GOLGB1: variants seen among roughly 807,000 people sequenced by gnomAD.
The protein encoded by GOLGB1 is golgin B1, also known as golgin subfamily B member 1.
A neutral mutation model predicts 336.9 loss-of-function variants in GOLGB1; 174 were observed. That is an observed-to-expected ratio of 0.52 (90% confidence interval 0.46 to 0.59). The LOEUF is 0.59. Ranked by LOEUF, GOLGB1 falls within the 20% of genes least tolerant of loss-of-function variation. The pLI is 0.00. For missense variants in GOLGB1, 3,331 were observed against 3,645.3 expected (o/e 0.91, Z 2.22); for synonymous variants, 1,208 against 1,289.2 (o/e 0.94, Z 1.35).
intron 11 of GOLGB1, 64 bp from the exon 12 acceptor site, chr3:121,699,949 C>A: frequency 1.1e-6 from 1 of 893,350 alleles, no homozygotes; most frequent in Non-Finnish European, 1.8e-6. Context: ...AACAGGATTG[C>A]ATGTGAAGCT....
intron 17 of GOLGB1, among the ~76,000 whole-genome samples, chr3:121,671,661 C>G (rs886315427): frequency 7.9e-5 from 12 of 152,166 alleles, no homozygotes; most frequent in Non-Finnish European, 1.0e-4. Context: ...AAATTCTTCT[C>G]TTCTAGCTAT....
intron 15 of GOLGB1, among the ~76,000 whole-genome samples, chr3:121,679,933 G>A (rs1309397566): frequency 6.6e-6 from 1 of 152,186 alleles, no homozygotes; most frequent in African/African-American, 2.4e-5. Context: ...TGGGGATTCT[G>A]GACTTTGAGT....
At chr3:121,749,922 G>C (rs756370580), upstream of GOLGB1, among the ~76,000 whole-genome samples, 6 of 152,234 alleles carry the variant, frequency 3.9e-5, no homozygotes, top group Non-Finnish European at 8.8e-5. Context: ...GGACCCTAAA[G>C]AGTGAATGAG....
Position 121,692,275 on chromosome 3 carries a change from T to C in GOLGB1, c.7089A>G (p.Gln2363=). Reference sequence around the variant, plus strand: ...TGGAGGCCTGAAGATCAGTCTCCAGTTGTTCATAACTGAACTTAGAATTTT... The same window carrying C: ...TGGAGGCCTGAAGATCAGTCTCCAGCTGTTCATAACTGAACTTAGAATTTT... ...DIQNSKFSYE[Q]LETDLQASRE... Residue 2363 remains glutamine (Q), a synonymous_variant, in exon 14 of 22, where the codon CAA becomes CAG. Transcript: ENST00000614479. 2.5e-6 allele frequency: 4 copies of C among 1,610,610 alleles called. No homozygotes were observed. Among genetic ancestry groups the C allele is most frequent in the African/African-American group, 1.3e-5 (1 of 74,666 alleles).
chr3:121,744,441 CAAAAAAAAAAAA>C (rs11290154), intron 1 of GOLGB1, among the ~76,000 whole-genome samples: 2 of 73,096 alleles, frequency 2.7e-5, no homozygotes, highest in South Asian at 8.8e-4. Flanking sequence ...ACTGTCTCTA[CAAAAAAAAAAAA>C]AAAAAAAAAA....
At chr3:121,677,536 T>G in intron 15 of GOLGB1, 86 bp from the exon 16 acceptor site, 1 of 862,934 alleles carries the variant, frequency 1.2e-6, no homozygotes, top group Non-Finnish European at 1.9e-6. Flanking sequence ...GCACTTTGCT[T>G]ATCTTCAAAG....
At position 121,690,654 on chromosome 3, in the gene GOLGB1, A is replaced by C. The variant is rs115007023; in HGVS notation, c.8694+16T>G. On this transcript the variant is annotated intron_variant, in intron 14 of 21. Coordinates refer to ENST00000614479, the MANE Select transcript of GOLGB1 (RefSeq NM_001366282.2). ...AAACTCTTAAACAGATCAGAAAGAA[A>C]GAACTAGCTACTCACTAGTCTGTCT... 1.4e-3 allele frequency: 1,835 copies of C among 1,300,462 alleles called. 23 individuals are homozygous for C. The African/African-American group carries it at 0.024, about 17-fold the overall frequency. The allele number at this position is 1,300,462 out of a possible 1,614,324, so 80.6% of individuals were successfully genotyped here. A position where few individuals can be genotyped will look rare whatever the true frequency, so the allele number is the denominator to read the frequency against.
In GOLGB1 at chr3:121,695,611, G is replaced by A. The variant is rs1003965972; in HGVS notation, c.4912C>T (p.Gln1638Ter). The change falls in exon 13 of 22, where the codon CAG (glutamine) becomes TAG (stop). Residue 1638 changes from glutamine (Q) to a stop codon, truncating the protein, a stop_gained. Transcript: ENST00000614479. LOFTEE classifies it high-confidence loss of function. Reference sequence around the variant, plus strand: ...TGCCTCACAGCTTCCACCACATGCTGAATCCTTTCTGCTTCATTACTAACA... The same window carrying A: ...TGCCTCACAGCTTCCACCACATGCTAAATCCTTTCTGCTTCATTACTAACA... ...ENVSNEAERI[Q>*]HVVEAVRQEK... is the part of the protein sequence containing the mutation. 6.2e-7 allele frequency: 1 copy of A among 1,613,886 alleles called. No homozygotes were observed. Among genetic ancestry groups the A allele is most frequent in the East Asian group, 2.2e-5 (1 of 44,870 alleles).
chr3:121,695,784 G>T lies in GOLGB1; in HGVS notation c.4739C>A (p.Ala1580Asp). The T allele has an allele frequency of 6.2e-7, 1 of 1,613,274 alleles. No individual in the cohort carries two copies. The highest frequency in any genetic ancestry group is 8.5e-7 in the Non-Finnish European group (1 of 1,179,922). Reference sequence around the variant, plus strand: ...CTTGTCTTCAGTAAGACCCTCTAGAGCTAGTTTTAGACTTTCACAGGAGCT... The same window carrying T: ...CTTGTCTTCAGTAAGACCCTCTAGATCTAGTTTTAGACTTTCACAGGAGCT... ...LSSSCESLKL[A>D]LEGLTEDKEK... Residue 1580 changes from alanine to aspartate, a missense_variant, in exon 13 of 22, where the codon GCT (alanine) becomes GAT (aspartate). By Grantham distance (126) the Ala-to-Asp change is moderately radical. Transcript: ENST00000614479.
At chr3:121,718,038 T>C (rs947005672) in intron 8 of GOLGB1, among the ~76,000 whole-genome samples, 1 of 152,188 alleles carries the variant, frequency 6.6e-6, no homozygotes, top group African/African-American at 2.4e-5. Flanking sequence ...TGTGGTGTCA[T>C]GTTGGTGCTC....
intron 10 of GOLGB1, among the ~76,000 whole-genome samples, chr3:121,710,253 A>C (rs1401061446): frequency 6.6e-6 from 1 of 152,132 alleles, no homozygotes; most frequent in Admixed American, 6.5e-5. Flanking sequence ...CAAAAACCGA[A>C]ATAATACCAA....
At chr3:121,730,832 A>G in intron 2 of GOLGB1, 44 bp downstream of exon 2, 1 of 1,564,782 alleles carries the variant, frequency 6.4e-7, no homozygotes, top group Non-Finnish European at 8.6e-7. Context: ...AGAAGAACAC[A>G]GAACATATGT....
At chr3:121,665,622 T>G (rs1201523301) in intron 20 of GOLGB1, among the ~76,000 whole-genome samples, 2 of 152,230 alleles carry the variant, frequency 1.3e-5, no homozygotes, top group Non-Finnish European at 2.9e-5. Context: ...CTGATTTGCT[T>G]ATTTAATACT....
In GOLGB1 at chr3:121,681,734, CTCT is replaced by C; in HGVS notation, c.8823_8825del (p.Glu2942del). On this transcript the variant is annotated inframe_deletion, in exon 15 of 22. Transcript: ENST00000614479. ...GCCAGGAGAGGTTTTCCTGCCTGAG[CTCT>C]TCTTGCATAATCTGAAATGCTTTTG... is the stretch of plus-strand genomic sequence containing the variant. 1 of 1,612,908 alleles carries C rather than the reference CTCT, an allele frequency of 6.2e-7. No homozygotes were observed. Among genetic ancestry groups the C allele is most frequent in the Non-Finnish European group, 8.5e-7 (1 of 1,179,120 alleles).
At chr3:121,733,423 T>C (rs1392699173) in intron 1 of GOLGB1, among the ~76,000 whole-genome samples, 5 of 151,568 alleles carry the variant, frequency 3.3e-5, no homozygotes, top group African/African-American at 4.9e-5. Flanking sequence ...TAACAAAATA[T>C]ATGCAGAATT....
chr3:121,736,282 A>G (rs1158576612), intron 1 of GOLGB1, among the ~76,000 whole-genome samples: 4 of 152,328 alleles, frequency 2.6e-5, no homozygotes, highest in African/African-American at 9.6e-5. Context: ...ATAGAATATG[A>G]AAAAAGAAAA....
At chr3:121,714,304 G>A (rs1270281139) in intron 10 of GOLGB1, among the ~76,000 whole-genome samples, 1 of 152,102 alleles carries the variant, frequency 6.6e-6, no homozygotes, top group Admixed American at 6.6e-5. Context: ...TGATATTCAG[G>A]CTCAATCAGC....
At chr3:121,681,990 GATGACA>G (rs1256513197) in intron 14 of GOLGB1, 125 bp from the exon 15 acceptor site, 1 of 664,538 alleles carries the variant, frequency 1.5e-6, no homozygotes, top group African/African-American at 1.8e-5. Flanking sequence ...ACAGTCCACT[GATGACA>G]TATCACTGCA....
At chr3:121,740,991 T>C (rs1248999547) in intron 1 of GOLGB1, among the ~76,000 whole-genome samples, 3 of 147,370 alleles carry the variant, frequency 2.0e-5, no homozygotes, top group Non-Finnish European at 3.0e-5. Flanking sequence ...ACCAGTAAGA[T>C]AAAGAAAAAA....
Sources: allele counts gnomAD v4.1 joint callset (sites outside exome capture counted in the v4.1 genomes callset), GRCh38; gene constraint gnomAD v4.1.1; transcripts MANE v1.5; gene names NCBI Gene and HGNC (gene_info 2026-07-23, HGNC 2026-07-21).